The following AMPD3 variants were observed in gnomAD, a reference collection of about 807,000 sequenced individuals.
AMPD3 encodes the protein adenosine monophosphate deaminase 3, also known as AMP deaminase 3.
Under a neutral mutation model 82.3 loss-of-function variants are expected in AMPD3, and 57 were observed. That is an observed-to-expected ratio of 0.69 (90% confidence interval 0.56 to 0.86). AMPD3 has a LOEUF of 0.86. AMPD3 is among the 40% of genes least tolerant of loss of function. The probability of loss-of-function intolerance (pLI) is 0.00; values close to 1 mark genes in which losing one functional copy is unlikely to be tolerated. For synonymous variants in AMPD3, 381 were observed against 394.7 expected, an observed-to-expected ratio of 0.97 and a Z score of 0.41; for missense variants, 870 against 1,003.8, an observed-to-expected ratio of 0.87 and a Z score of 1.80.
At position 10,493,515 on chromosome 11, in the gene AMPD3, T is replaced by C; in HGVS notation, c.1106T>C (p.Leu369Pro). The C allele has an allele frequency of 1.2e-6, 2 of 1,614,144 alleles. No homozygotes were observed. The highest frequency in any genetic ancestry group is 1.6e-4 in the Middle Eastern group (1 of 6,062). Residue 369 changes from leucine (L) to proline (P), a missense_variant, in exon 7 of 15, where the codon CTC (leucine) becomes CCC (proline). By Grantham distance (98) the Leu-to-Pro change is moderately conservative. Coordinates refer to ENST00000396553, the MANE Select transcript of AMPD3 (RefSeq NM_001025389.2). Reference protein sequence around the residue: ...FDGLHMDPYDLTVDSLDVHAG... With the variant: ...FDGLHMDPYDPTVDSLDVHAG... Reference sequence around the variant, plus strand: ...GGCCTGCACATGGACCCCTACGACCTCACTGTGGACTCACTGGATGTCCAC... The same window carrying C: ...GGCCTGCACATGGACCCCTACGACCCCACTGTGGACTCACTGGATGTCCAC...
chr11:10,465,615 G>T (rs1270227638), intron 2 of AMPD3, among the ~76,000 whole-genome samples: 2 of 152,174 alleles, frequency 1.3e-5, no homozygotes, highest in Non-Finnish European at 2.9e-5. Context: ...ACAAGGGATG[G>T]GGGAATTATC....
Position 10,468,147 on chromosome 11 carries a change from G to T in AMPD3, c.221+6407G>T, listed in dbSNP as rs574402315. Among the ~76,000 whole-genome samples the T allele has an allele frequency of 2.2e-4, 33 of 152,262 alleles. 1 individual carries two copies. The South Asian group carries it at 6.8e-3, about 32-fold the overall frequency. ...CAACCAGCTAGCATCATGATGACAGGATCAAATTCACACGTAACAATATTA... is the reference window on the plus strand; with the variant it reads ...CAACCAGCTAGCATCATGATGACAGTATCAAATTCACACGTAACAATATTA... On this transcript the variant is annotated intron_variant, in intron 2 of 14. Transcript: ENST00000396553.
intron 7 of AMPD3, 135 bp downstream of exon 7, chr11:10,493,678 G>T (rs1222661865): frequency 2.0e-6 from 2 of 1,001,308 alleles, no homozygotes; most frequent in Admixed American, 2.0e-5. Context: ...TGACTGAGAG[G>T]TCATGCGGCC....
At chr11:10,479,410 A>C (rs1402930986) in intron 3 of AMPD3, among the ~76,000 whole-genome samples, 1 of 152,202 alleles carries the variant, frequency 6.6e-6, no homozygotes, top group East Asian at 1.9e-4. Flanking sequence ...TGGCTTCATT[A>C]GTCTCTTTTT....
chr11:10,480,358 A>C (rs1848865968), intron 3 of AMPD3, among the ~76,000 whole-genome samples: 1 of 152,118 alleles, frequency 6.6e-6, no homozygotes, highest in African/African-American at 2.4e-5. Flanking sequence ...TGGCAGGGAC[A>C]TATTTTTGTC....
At chr11:10,496,568 C>T (rs1849406964) in intron 9 of AMPD3, 4 of 984,682 alleles carry the variant, frequency 4.1e-6, no homozygotes, top group Non-Finnish European at 4.8e-6. Flanking sequence ...TTCCTAGTGG[C>T]TTCTGGCTTG....
At chr11:10,486,824 G>T in intron 5 of AMPD3, 1 of 985,428 alleles carries the variant, frequency 1.0e-6, no homozygotes, top group Non-Finnish European at 1.2e-6. Context: ...AGGAGATGAA[G>T]GAGGGAGACT....
chr11:10,484,964 G>A lies in AMPD3; in HGVS notation c.734G>A (p.Ser245Asn), dbSNP rs1258358377. ...KKMLEHQEPH[S>N]LPYPDLETYT... ...ATGCTGGAGCACCAGGAGCCGCACA[G>A]CCTACCCTACCCCGACCTGGAGACC... The change falls in exon 5 of 15, where the codon AGC becomes AAC. Residue 245 changes from serine (S) to asparagine (N), a missense_variant. Transcript: ENST00000396553. 1 of 1,605,420 alleles carries A rather than the reference G, an allele frequency of 6.2e-7. No individual in the cohort carries two copies. The highest frequency in any genetic ancestry group is 8.5e-7 in the Non-Finnish European group (1 of 1,176,420).
chr11:10,494,871 C>T (rs199940738), intron 7 of AMPD3, 28 bp from the exon 8 acceptor site: 58 of 1,605,432 alleles, frequency 3.6e-5, no homozygotes, highest in Admixed American at 2.8e-4. Context: ...CAGAACGATG[C>T]GTTGATTGGT....
At chr11:10,498,963 C>A (rs1279945099) in intron 10 of AMPD3, among the ~76,000 whole-genome samples, 1 of 152,192 alleles carries the variant, frequency 6.6e-6, no homozygotes, top group Non-Finnish European at 1.5e-5. Flanking sequence ...CCCAGGGGTC[C>A]CAGCCAAGGT....
intron 14 of AMPD3, 64 bp from the exon 15 acceptor site, chr11:10,505,644 C>G: frequency 6.3e-7 from 1 of 1,589,938 alleles, no homozygotes. Flanking sequence ...TCAAAGCTGC[C>G]CACATGGCTA....
Position 10,494,893 on chromosome 11 carries a change from C to CA in AMPD3, c.1135-6_1135-5insA, listed in dbSNP as rs1271438300. 1.2e-6 allele frequency: 2 copies of CA among 1,613,334 alleles called. No individual in the cohort carries two copies. The highest frequency in any genetic ancestry group is 4.5e-5 in the East Asian group (2 of 44,884). ...ATGCGTTGATTGGTGTGGTCTCCCC[C>CA]CTCAGGGCCGGCAGACATTCCACCG... is the stretch of plus-strand genomic sequence containing the variant. On this transcript the variant is annotated splice_region_variant and splice_polypyrimidine_tract_variant and intron_variant, in intron 7 of 14. Coordinates refer to ENST00000396553, the MANE Select transcript of AMPD3 (RefSeq NM_001025389.2).
chr11:10,450,634 A>G (rs967608557), upstream of AMPD3: 36 of 997,708 alleles, frequency 3.6e-5, no homozygotes, highest in Non-Finnish European at 4.2e-5. Flanking sequence ...GGAGCCCAGG[A>G]GGCGGCGGGT....
At chr11:10,495,506 G>A (rs1400127334) in intron 8 of AMPD3, 64 bp from the exon 9 acceptor site, 2 of 1,611,202 alleles carry the variant, frequency 1.2e-6, no homozygotes, top group Non-Finnish European at 1.7e-6. Flanking sequence ...GCTGGTGACG[G>A]AGAGTGAGAG....
At position 10,493,400 on chromosome 11, in the gene AMPD3, C is replaced by A. The variant is rs758038726; in HGVS notation, c.991C>A (p.Arg331Ser). Residue 331 changes from arginine to serine, a missense_variant, in exon 7 of 15, where the codon CGC becomes AGC. Physicochemically the swap from Arg to Ser is moderately radical, Grantham distance 110. Coordinates refer to ENST00000396553, the MANE Select transcript of AMPD3 (RefSeq NM_001025389.2). ...AACMNQKHLL[R>S]FIKHTYQTEP... is the part of the protein sequence containing the mutation. ...CTGCATGAACCAAAAGCATCTGCTG[C>A]GCTTCATCAAGCACACATACCAGAC... is the stretch of plus-strand genomic sequence containing the variant. 1 of 1,614,218 alleles carries A rather than the reference C, an allele frequency of 6.2e-7. No homozygotes were observed.
chr11:10,453,197 C>T (rs930964925), upstream of AMPD3, among the ~76,000 whole-genome samples: 12 of 152,110 alleles, frequency 7.9e-5, no homozygotes, highest in African/African-American at 1.2e-4. Flanking sequence ...GTGGTCTGGC[C>T]GCCTCGGCCT....
Position 10,506,135 on chromosome 11 carries a change from A to G in AMPD3, c.*251A>G. 3.8e-6 allele frequency: 2 copies of G among 521,534 alleles called. No homozygotes were observed. The highest frequency in any genetic ancestry group is 6.9e-6 in the Non-Finnish European group (2 of 288,840). The allele number at this position is 521,534 out of a possible 1,614,324, so 32.3% of individuals were successfully genotyped here. On this transcript the variant is annotated 3_prime_UTR_variant, in exon 15 of 15. Coordinates refer to ENST00000396553, the MANE Select transcript of AMPD3 (RefSeq NM_001025389.2). The surrounding 1 kb of genome is among the most constrained non-coding windows in gnomAD (Gnocchi z 4.1). The stretch of plus-strand genomic sequence containing the variant: ...TGAGCACTTGTCTATACTTGTTCCT[A>G]ATTTTCCAAGTATTTCTCTTGAAAC...
chr11:10,478,603 C>CG lies in AMPD3; in HGVS notation c.301dup (p.Ala101GlyfsTer29). The CG allele has an allele frequency of 6.2e-7, 1 of 1,614,208 alleles. No individual in the cohort carries two copies. Among genetic ancestry groups the CG allele is most frequent in the Non-Finnish European group, 8.5e-7 (1 of 1,180,034 alleles). ...CCACAGCAAGATTGGAAGGGCCCCC[C>CG]GGCAGCCAGTCCGGCCATGTCTCCC... On this transcript the variant is annotated frameshift_variant, in exon 3 of 15. Transcript: ENST00000396553. LOFTEE classifies it high-confidence loss of function.
chr11:10,458,610 A>T (rs900290374), intron 1 of AMPD3, among the ~76,000 whole-genome samples: 2 of 152,114 alleles, frequency 1.3e-5, no homozygotes, highest in Non-Finnish European at 2.9e-5. Flanking sequence ...TCTATGTATT[A>T]ATTTTTTCAT....
Sources: gnomAD v4.1 joint callset for allele counts (sites outside exome capture counted in the v4.1 genomes callset) on GRCh38, gnomAD v4.1.1 for gene constraint, Gnocchi (gnomAD v3.1) non-coding constraint, MANE v1.5 for transcripts, NCBI Gene and HGNC (gene_info 2026-07-23, HGNC 2026-07-21) for gene names.